DZIP3: variants seen among roughly 807,000 people sequenced by gnomAD.
DZIP3 encodes the protein DAZ interacting zinc finger protein 3.
DZIP3 carries 118 observed loss-of-function variants against 162.0 expected under a neutral mutation model. That is an observed-to-expected ratio of 0.73 (90% confidence interval 0.63 to 0.85). DZIP3 has a LOEUF of 0.85. Among genes scored for constraint, DZIP3 ranks in the 40% least tolerant of loss-of-function variants. The probability of loss-of-function intolerance (pLI) is 0.00; values close to 1 mark genes in which losing one functional copy is unlikely to be tolerated. For missense variants in DZIP3, 1,331 were observed against 1,407.0 expected, an observed-to-expected ratio of 0.95 and a Z score of 0.86; for synonymous variants, 438 against 458.6, an observed-to-expected ratio of 0.96 and a Z score of 0.57.
At chr3:108,674,268 T>G in intron 24 of DZIP3, 87 bp downstream of exon 24, 1 of 1,152,048 alleles carries the variant, frequency 8.7e-7, no homozygotes, top group Non-Finnish European at 1.3e-6. Context: ...TGATGTGTTT[T>G]ACATATGTGA....
chr3:108,662,355 A>T, intron 21 of DZIP3, 98 bp downstream of exon 21: 2 of 1,389,370 alleles, frequency 1.4e-6, no homozygotes, highest in Non-Finnish European at 1.9e-6. Flanking sequence ...CACTGTGACT[A>T]CACATTAGGA....
intron 8 of DZIP3, among the ~76,000 whole-genome samples, 153 bp from the exon 9 acceptor site, chr3:108,632,800 G>A (rs1941948866): frequency 6.6e-6 from 1 of 152,098 alleles, no homozygotes; most frequent in Admixed American, 6.6e-5. Context: ...TTAGGGAAAT[G>A]TTTTATTACT....
chr3:108,634,136 A>G (rs1436986368), intron 9 of DZIP3, among the ~76,000 whole-genome samples: 1 of 152,086 alleles, frequency 6.6e-6, no homozygotes, highest in Non-Finnish European at 1.5e-5. Flanking sequence ...GAAGAAGGAG[A>G]AGACCAAGAT....
At chr3:108,676,744 G>C (rs1051128450) in intron 25 of DZIP3, among the ~76,000 whole-genome samples, 2 of 152,016 alleles carry the variant, frequency 1.3e-5, no homozygotes, top group Admixed American at 1.3e-4. Flanking sequence ...TAGCGTTTCT[G>C]TTGGGTTTAT....
intron 19 of DZIP3, among the ~76,000 whole-genome samples, chr3:108,655,772 C>T (rs960719605): frequency 6.6e-5 from 10 of 152,126 alleles, no homozygotes; most frequent in African/African-American, 1.9e-4. Flanking sequence ...ACAGATGGCA[C>T]CTGGAAAATC....
intron 12 of DZIP3, among the ~76,000 whole-genome samples, chr3:108,640,468 C>T (rs1184272789): frequency 3.3e-5 from 4 of 119,936 alleles, no homozygotes; most frequent in East Asian, 5.2e-4. Flanking sequence ...TTTTTTGAGA[C>T]GGAGTCTCGC....
Position 108,662,250 on chromosome 3 carries a change from G to T in DZIP3, c.2416G>T (p.Val806Phe), listed in dbSNP as rs749600283. The T allele has an allele frequency of 1.1e-4, 167 of 1,587,890 alleles. No homozygotes were observed. Among genetic ancestry groups the T allele is most frequent in the Non-Finnish European group, 1.3e-4 (158 of 1,172,936 alleles). The change falls in exon 21 of 33, where the codon GTT becomes TTT. Residue 806 changes from valine to phenylalanine, a missense_variant. Around this residue, in one of 2 missense-constraint regions of DZIP3, gnomAD observed 1,278 missense variants for 1,317.1 expected, o/e 0.97. Transcript: ENST00000361582. ...ACAAGTTGCTTTTGGAATCAATAAG[G>T]TTTCCAAGTAAGTGTAAATCTTTTG... ...NQQVAFGINK[V>F]SKLQRQIHAK...
chr3:108,622,205 T>C (rs1454026509), intron 5 of DZIP3, among the ~76,000 whole-genome samples: 1 of 152,044 alleles, frequency 6.6e-6, no homozygotes, highest in African/African-American at 2.4e-5. Flanking sequence ...AAATAGCTAG[T>C]AGAATGATGG....
chr3:108,689,215 G>C (rs572713913), intron 31 of DZIP3, among the ~76,000 whole-genome samples: 2 of 152,344 alleles, frequency 1.3e-5, no homozygotes, highest in East Asian at 3.9e-4. Context: ...GTCGATTGAC[G>C]TGGTAGTTTA....
chr3:108,676,044 C>G (rs900286807), intron 25 of DZIP3, among the ~76,000 whole-genome samples, 171 bp downstream of exon 25: 1 of 152,066 alleles, frequency 6.6e-6, no homozygotes, highest in African/African-American at 2.4e-5. Context: ...AGATAACATC[C>G]TAGACTCACA....
chr3:108,624,427 TA>T lies in DZIP3; in HGVS notation c.376-16del. On this transcript the variant is annotated splice_polypyrimidine_tract_variant and intron_variant, in intron 5 of 32. Coordinates refer to ENST00000361582, the MANE Select transcript of DZIP3 (RefSeq NM_014648.4). ...GCTTAGTCTAAATAACCAATTAACA[TA>T]TTTTTTTCTTTGTAGGCACACCAGA... The T allele has an allele frequency of 6.9e-7, 1 of 1,443,534 alleles. No individual in the cohort carries two copies. The highest frequency in any genetic ancestry group is 9.7e-7 in the Non-Finnish European group (1 of 1,029,398). The allele number at this position is 1,443,534 out of a possible 1,614,324, so 89.4% of individuals were successfully genotyped here.
chr3:108,654,049 T>C (rs1576421822), intron 18 of DZIP3, 96 bp from the exon 19 acceptor site: 1 of 1,329,532 alleles, frequency 7.5e-7, no homozygotes, highest in African/African-American at 1.5e-5. Context: ...CTGAGCATCT[T>C]ATGAAACCAG....
rs905275753 is a variant in DZIP3 at position 108,687,863 on chromosome 3, T to C, written c.3150-113T>C. On this transcript the variant is annotated intron_variant, in intron 28 of 32. Transcript: ENST00000361582. ...GATCAAAGACCTAAAGAGTCCTGTC[T>C]GTATGCTACATATCAATCATGCGAT... The C allele has an allele frequency of 5.4e-5, 75 of 1,381,742 alleles. 1 individual carries two copies. The East Asian group carries it at 1.3e-3, about 25-fold the overall frequency. The allele number at this position is 1,381,742 out of a possible 1,614,324, so 85.6% of individuals were successfully genotyped here. A position where few individuals can be genotyped will look rare whatever the true frequency, so the allele number is the denominator to read the frequency against.
chr3:108,655,657 A>G (rs1943075560), intron 19 of DZIP3, among the ~76,000 whole-genome samples: 1 of 152,142 alleles, frequency 6.6e-6, no homozygotes, highest in African/African-American at 2.4e-5. Context: ...GGTTCAGGAC[A>G]GTGGGTGCGG....
At chr3:108,687,395 A>T (rs942955734) in intron 28 of DZIP3, among the ~76,000 whole-genome samples, 13 of 152,188 alleles carry the variant, frequency 8.5e-5, no homozygotes. Flanking sequence ...AAAACTGTAG[A>T]TGCAGGCTTT....
rs1940688053 is a variant in DZIP3 at position 108,611,218 on chromosome 3, CCTA to C, written c.151_153del (p.Leu52del). ...TACCTACTGATCTTGTCCCTGTTAA[CCTA>C]CTATTAGAAGTGAAGAAGTTATTAA... On this transcript the variant is annotated inframe_deletion, in exon 4 of 33. Coordinates refer to ENST00000361582, the MANE Select transcript of DZIP3 (RefSeq NM_014648.4). 4 of 1,609,840 alleles carry C rather than the reference CCTA, an allele frequency of 2.5e-6. No individual in the cohort carries two copies. In the South Asian group the frequency reaches 4.5e-5, roughly 18 times the overall value.
chr3:108,638,743 C>T (rs1942265412), intron 12 of DZIP3, among the ~76,000 whole-genome samples: 1 of 151,922 alleles, frequency 6.6e-6, no homozygotes, highest in African/African-American at 2.4e-5. Context: ...CTGTCTTTAG[C>T]CTTTACTTTA....
chr3:108,600,644 T>C (rs1458004796), intron 1 of DZIP3, among the ~76,000 whole-genome samples: 4 of 152,166 alleles, frequency 2.6e-5, no homozygotes, highest in African/African-American at 9.7e-5. Flanking sequence ...TTAATTAATT[T>C]TGCTGCAAAC....
chr3:108,601,281 G>A (rs926759041), intron 1 of DZIP3, among the ~76,000 whole-genome samples: 6 of 152,080 alleles, frequency 3.9e-5, no homozygotes, highest in African/African-American at 1.4e-4. Context: ...GTGTGTGTTG[G>A]TGGGGAGCTG....
Sources: allele counts gnomAD v4.1 joint callset (sites outside exome capture counted in the v4.1 genomes callset), GRCh38; gene constraint gnomAD v4.1.1; regional missense constraint gnomAD v4.1.1; transcripts MANE v1.5; gene names NCBI Gene and HGNC (gene_info 2026-07-23, HGNC 2026-07-21).